The following SGCD variants were observed in gnomAD, a reference collection of about 807,000 sequenced individuals.
SGCD encodes the protein delta-sarcoglycan.
Under a neutral mutation model 36.6 loss-of-function variants are expected in SGCD, and 18 were observed. The ratio of observed to expected loss-of-function variants is 0.49; its 90% CI spans 0.34 to 0.73. The LOEUF is 0.73. SGCD is among the 30% of genes least tolerant of loss of function. The probability of loss-of-function intolerance (pLI) is 0.01; values close to 1 mark genes in which losing one functional copy is unlikely to be tolerated. For synonymous variants in SGCD, 133 were observed against 130.6 expected (o/e 1.02, Z -0.12); for missense variants, 387 against 346.7 (o/e 1.12, Z -0.92).
At chr5:155,889,832 G>A (rs1297159430) in intron 1 of SGCD, among the ~76,000 whole-genome samples, 1 of 152,124 alleles carries the variant, frequency 6.6e-6, no homozygotes, top group Non-Finnish European at 1.5e-5. Flanking sequence ...ATGGCCATTT[G>A]GACCTCTTGT....
At chr5:156,119,966 T>A (rs904443178) in intron 2 of SGCD, among the ~76,000 whole-genome samples, 2 of 152,190 alleles carry the variant, frequency 1.3e-5, no homozygotes, top group Admixed American at 1.3e-4. Flanking sequence ...TGATTAGCAC[T>A]CTCCCATGCA....
intron 4 of SGCD, among the ~76,000 whole-genome samples, chr5:156,569,618 A>G (rs1227735902): frequency 6.6e-6 from 1 of 151,956 alleles, no homozygotes; most frequent in Non-Finnish European, 1.5e-5. Context: ...AAAAAAAAAA[A>G]AATAGACAAT....
chr5:156,512,191 C>CAAAAAA (rs759345867), intron 4 of SGCD, among the ~76,000 whole-genome samples: 11 of 66,896 alleles, frequency 1.6e-4, no homozygotes, highest in Non-Finnish European at 3.1e-4. Flanking sequence ...GACTCTGTCT[C>CAAAAAA]AAAAAAAAAA....
At chr5:155,777,628 T>G in the SGCD span, among the ~76,000 whole-genome samples, 8 of 152,076 alleles carry the variant, frequency 5.3e-5, no homozygotes, top group African/African-American at 1.9e-4. Context: ...AGTGCTGGGA[T>G]TACAGTTGGG....
intron 3 of SGCD, among the ~76,000 whole-genome samples, chr5:156,459,318 A>G (rs1419371201): frequency 2.0e-5 from 3 of 152,180 alleles, no homozygotes; most frequent in African/African-American, 4.8e-5. Context: ...CTAAGTGGAG[A>G]GTTAATAGTC....
intron 1 of SGCD, among the ~76,000 whole-genome samples, chr5:156,035,883 G>T (rs761466006): frequency 1.3e-5 from 2 of 152,146 alleles, no homozygotes; most frequent in Non-Finnish European, 2.9e-5. Flanking sequence ...TGGTGTTTAG[G>T]AATAGTGATA....
At chr5:156,635,518 A>C (rs1762791974) in intron 6 of SGCD, among the ~76,000 whole-genome samples, 1 of 152,168 alleles carries the variant, frequency 6.6e-6, no homozygotes, top group African/African-American at 2.4e-5. Flanking sequence ...CATTTGACCC[A>C]GCCATCCCAT....
chr5:156,084,883 G>A (rs143255872), intron 1 of SGCD, among the ~76,000 whole-genome samples: 78 of 152,228 alleles, frequency 5.1e-4, no homozygotes, highest in African/African-American at 1.8e-3. Flanking sequence ...AACTTGCTGT[G>A]AATTTTATCA....
intron 3 of SGCD, among the ~76,000 whole-genome samples, chr5:156,262,712 A>G (rs1765898727): frequency 1.3e-5 from 2 of 152,010 alleles, no homozygotes; most frequent in Non-Finnish European, 2.9e-5. Flanking sequence ...CCAAGTCCCC[A>G]AAGTCCACTG....
At chr5:156,654,158 A>G (rs903722917) in intron 7 of SGCD, among the ~76,000 whole-genome samples, 3 of 152,146 alleles carry the variant, frequency 2.0e-5, no homozygotes, top group African/African-American at 7.2e-5. Flanking sequence ...TAGGAGAACA[A>G]TTACCCAATA....
the SGCD span, among the ~76,000 whole-genome samples, chr5:155,826,670 T>C: frequency 6.1e-4 from 93 of 152,346 alleles, no homozygotes; most frequent in Admixed American, 4.3e-3. Context: ...AGGAACTTTA[T>C]TTGAAGAACC....
chr5:156,750,250 A>ATACT (rs1182068040), intron 7 of SGCD, among the ~76,000 whole-genome samples: 1 of 152,130 alleles, frequency 6.6e-6, no homozygotes, highest in East Asian at 1.9e-4. Flanking sequence ...AATAAAAAAC[A>ATACT]TACTTAATGG....
intron 4 of SGCD, among the ~76,000 whole-genome samples, chr5:156,557,201 A>G (rs991179614): frequency 6.6e-6 from 1 of 152,314 alleles, no homozygotes; most frequent in African/African-American, 2.4e-5. Context: ...TCAGCCTGCA[A>G]CCGGCATAGT....
chr5:156,144,353 A>G (rs1762659264), intron 3 of SGCD, among the ~76,000 whole-genome samples: 2 of 152,280 alleles, frequency 1.3e-5, no homozygotes, highest in Admixed American at 1.3e-4. Context: ...CAGTCCCACC[A>G]ACAGTGTAAA....
intron 3 of SGCD, among the ~76,000 whole-genome samples, chr5:156,470,484 C>T (rs1581039360): frequency 6.6e-6 from 1 of 151,674 alleles, no homozygotes. Context: ...CTAATGCTAT[C>T]CCTCCCCCCT....
intron 1 of SGCD, among the ~76,000 whole-genome samples, chr5:156,093,870 T>C (rs928319198): frequency 6.6e-6 from 1 of 152,154 alleles, no homozygotes; most frequent in Non-Finnish European, 1.5e-5. Context: ...ATAAGGTGGG[T>C]TGGAACTTTT....
chr5:156,609,185 G>C (rs573192989), intron 6 of SGCD, among the ~76,000 whole-genome samples: 1 of 152,134 alleles, frequency 6.6e-6, no homozygotes, highest in Non-Finnish European at 1.5e-5. Context: ...GCTGGTACCG[G>C]TTGTTCCTTT....
intron 3 of SGCD, among the ~76,000 whole-genome samples, chr5:156,127,854 C>CAAAAAAAAAA (rs56822746): frequency 1.1e-4 from 2 of 18,440 alleles, no homozygotes; most frequent in Non-Finnish European, 2.0e-4. Flanking sequence ...AACATAAATG[C>CAAAAAAAAAA]AAAAAAAAAA....
At chr5:156,194,358 G>A (rs553907568) in intron 3 of SGCD, among the ~76,000 whole-genome samples, 67 of 152,098 alleles carry the variant, frequency 4.4e-4, no homozygotes, top group African/African-American at 1.5e-3. Flanking sequence ...CAGCCTGAGC[G>A]ACAGAGCAAG....
Sources: allele counts gnomAD v4.1 joint callset (sites outside exome capture counted in the v4.1 genomes callset), GRCh38; gene constraint gnomAD v4.1.1; transcripts MANE v1.5; gene names NCBI Gene and HGNC (gene_info 2026-07-23, HGNC 2026-07-21).